FAM193A: variants seen among roughly 807,000 people sequenced by gnomAD.
The protein encoded by FAM193A is family with sequence similarity 193 member A.
A neutral mutation model predicts 126.5 loss-of-function variants in FAM193A; 22 were observed. The observed-to-expected ratio is 0.17, with a 90% CI of 0.12 to 0.25. The LOEUF (loss-of-function observed/expected upper bound fraction) is 0.25. FAM193A is among the 10% of genes least tolerant of loss of function. FAM193A has a pLI of 1.00. For synonymous variants in FAM193A, 761 were observed against 646.8 expected (o/e 1.18, Z -2.68); for missense variants, 1,675 against 1,672.8 (o/e 1.00, Z -0.02).
rs543454454 is a variant in FAM193A, at chr4:2,715,646, C to T, written c.4373-377C>T. Among the ~76,000 whole-genome samples, 14 of 152,312 alleles carry T rather than the reference C, an allele frequency of 9.2e-5. No individual in the cohort carries two copies. In the South Asian group the frequency reaches 1.5e-3, roughly 16 times the overall value. The stretch of plus-strand genomic sequence containing the variant: ...GCAGCTGTGCTCTGCCTGACTCCAA[C>T]GGAGACTTAGGGCAGTCCCTGGGCT... On this transcript the variant is annotated intron_variant, in intron 19 of 20. Coordinates refer to ENST00000637812, the MANE Select transcript of FAM193A (RefSeq NM_001366318.2).
chr4:2,605,514 T>G (rs1250173079), intron 2 of FAM193A, among the ~76,000 whole-genome samples: 1 of 152,242 alleles, frequency 6.6e-6, no homozygotes, highest in Non-Finnish European at 1.5e-5. Flanking sequence ...ATGTTGCATT[T>G]TAGTTGTTTC....
intron 2 of FAM193A, among the ~76,000 whole-genome samples, chr4:2,602,960 T>A (rs1450869506): frequency 1.7e-4 from 1 of 5,780 alleles, no homozygotes; most frequent in African/African-American, 3.6e-4. Flanking sequence ...GCACCCGGCC[T>A]TTTTTTTTTT....
At chr4:2,691,112 T>G in intron 15 of FAM193A, 142 bp downstream of exon 15, 1 of 704,926 alleles carries the variant, frequency 1.4e-6, no homozygotes, top group South Asian at 1.9e-5. Flanking sequence ...CCAAAAATGC[T>G]CACACACAGA....
intron 2 of FAM193A, among the ~76,000 whole-genome samples, chr4:2,620,579 G>A (rs1156521381): frequency 6.6e-6 from 1 of 151,968 alleles, no homozygotes; most frequent in Non-Finnish European, 1.5e-5. Flanking sequence ...CAGGGTGTGT[G>A]GCTCATGCCT....
chr4:2,613,459 CTT>C (rs1330182508), intron 2 of FAM193A, among the ~76,000 whole-genome samples: 10 of 101,612 alleles, frequency 9.8e-5, no homozygotes, highest in Non-Finnish European at 1.5e-4. Flanking sequence ...TGGTAGGTTT[CTT>C]TTTTTTTTTT....
intron 1 of FAM193A, among the ~76,000 whole-genome samples, chr4:2,558,176 G>A (rs569291127): frequency 1.3e-5 from 2 of 151,960 alleles, no homozygotes; most frequent in South Asian, 4.2e-4. Context: ...GAAGGCTGAA[G>A]CAGGAGAATC....
chr4:2,602,959 CTTTTTTTTTTTTTTTTT>C (rs71178487), intron 2 of FAM193A, among the ~76,000 whole-genome samples: 2 of 42,292 alleles, frequency 4.7e-5, no homozygotes, highest in Non-Finnish European at 7.7e-5. Flanking sequence ...TGCACCCGGC[CTTTTTTTTTTTTTTTTT>C]TTTTTTTTTT....
intron 1 of FAM193A, among the ~76,000 whole-genome samples, chr4:2,580,046 A>T (rs908205070): frequency 2.0e-5 from 3 of 152,236 alleles, no homozygotes; most frequent in Admixed American, 6.5e-5. Context: ...CATCAATGAT[A>T]GATAGATTGC....
At chr4:2,707,696 T>A (rs372598222) in intron 19 of FAM193A, among the ~76,000 whole-genome samples, 18 of 151,604 alleles carry the variant, frequency 1.2e-4, no homozygotes, top group African/African-American at 3.6e-4. Flanking sequence ...AGACTCAGAT[T>A]TCAGATTATA....
In FAM193A at chr4:2,700,494, A is replaced by G. The variant is rs1717596220; in HGVS notation, c.4322A>G (p.Lys1441Arg). 8 of 1,613,190 alleles carry G rather than the reference A, an allele frequency of 5.0e-6. No individual in the cohort carries two copies. The highest frequency in any genetic ancestry group is 5.9e-6 in the Non-Finnish European group (7 of 1,179,804). The change falls in exon 19 of 21, where the codon AAG becomes AGG. Residue 1441 changes from lysine to arginine, a missense_variant. This residue lies in a region of FAM193A where 415 missense variants were observed against 396.7 expected (regional missense o/e 1.05). Transcript: ENST00000637812. ...GCAGAGTCCCCTCAGCCAAAGGGCAAGAACAAGAAAAATAAGAAGAAGAAA... is the reference window on the plus strand; with the variant it reads ...GCAGAGTCCCCTCAGCCAAAGGGCAGGAACAAGAAAAATAAGAAGAAGAAA... ...VLAESPQPKG[K>R]NKKNKKKKGD...
At chr4:2,599,720 C>A (rs989465832) in intron 2 of FAM193A, among the ~76,000 whole-genome samples, 2 of 150,842 alleles carry the variant, frequency 1.3e-5, no homozygotes, top group African/African-American at 4.9e-5. Flanking sequence ...AGCTCACTTG[C>A]TTGTCTTCTC....
At position 2,699,967 on chromosome 4, in the gene FAM193A, G is replaced by C; in HGVS notation, c.3795G>C (p.Glu1265Asp). 6.2e-6 allele frequency: 10 copies of C among 1,613,984 alleles called. No homozygotes were observed. The highest frequency in any genetic ancestry group is 8.5e-6 in the Non-Finnish European group (10 of 1,180,008). The change falls in exon 19 of 21, where the codon GAG becomes GAC. Residue 1265 changes from glutamate (E) to aspartate (D), a missense_variant. This residue lies in a region of FAM193A where 415 missense variants were observed against 396.7 expected (regional missense o/e 1.05). Coordinates refer to ENST00000637812, the MANE Select transcript of FAM193A (RefSeq NM_001366318.2). ...NSGNIHNGSL[E>D]QTEEPETSSH... The stretch of plus-strand genomic sequence containing the variant: ...GAAACATCCACAATGGCTCACTAGA[G>C]CAAACTGAAGAACCAGAAACCTCTT...
In FAM193A at chr4:2,732,102, CAGT is replaced by C; in HGVS notation, c.*238_*240del. 1.8e-6 allele frequency: 1 copy of C among 550,204 alleles called. No homozygotes were observed. The highest frequency in any genetic ancestry group is 3.3e-6 in the Non-Finnish European group (1 of 304,790). 34.1% of individuals were successfully genotyped at this position (550,204 alleles called of 1,614,324 possible). A position where few individuals can be genotyped will look rare whatever the true frequency, so the allele number is the denominator to read the frequency against. ...GTAGCTCTGTGCTGTCGGATTGGAA[CAGT>C]AGTTCCCGCCAAGTCCTCCCACCAC... On this transcript the variant is annotated 3_prime_UTR_variant, in exon 21 of 21. Transcript: ENST00000637812.
chr4:2,659,761 T>C, intron 9 of FAM193A, 51 bp from the exon 10 acceptor site: 2 of 1,613,866 alleles, frequency 1.2e-6, no homozygotes, highest in Non-Finnish European at 1.7e-6. Flanking sequence ...GAGAGCATGG[T>C]CTAGTCTTGT....
chr4:2,539,632 C>A (rs772373308), intron 1 of FAM193A, among the ~76,000 whole-genome samples: 4 of 151,984 alleles, frequency 2.6e-5, no homozygotes, highest in Non-Finnish European at 5.9e-5. Flanking sequence ...GTCTTGAACT[C>A]TTGACCTCAA....
chr4:2,667,782 A>AT (rs904078045), intron 12 of FAM193A, among the ~76,000 whole-genome samples: 8 of 152,228 alleles, frequency 5.3e-5, no homozygotes, highest in African/African-American at 1.7e-4. Flanking sequence ...TTAGTGTACT[A>AT]TTTTAATTCT....
chr4:2,563,826 A>G (rs1378813348), intron 1 of FAM193A, among the ~76,000 whole-genome samples: 1 of 152,228 alleles, frequency 6.6e-6, no homozygotes, highest in Admixed American at 6.6e-5. Flanking sequence ...GAAGGAAAGT[A>G]TATAGAGCCT....
At chr4:2,562,711 C>T (rs1368576125) in intron 1 of FAM193A, among the ~76,000 whole-genome samples, 1 of 151,420 alleles carries the variant, frequency 6.6e-6, no homozygotes, top group Non-Finnish European at 1.5e-5. Flanking sequence ...CTCACCGCAA[C>T]CTCCGCCTCC....
intron 1 of FAM193A, among the ~76,000 whole-genome samples, chr4:2,584,992 C>G (rs866919953): frequency 1.3e-5 from 2 of 151,690 alleles, no homozygotes; most frequent in Non-Finnish European, 2.9e-5. Context: ...GTTTTTGTAC[C>G]TTATATAAAT....
Sources: gnomAD v4.1 joint callset for allele counts (sites outside exome capture counted in the v4.1 genomes callset) on GRCh38, gnomAD v4.1.1 for gene constraint, gnomAD v4.1.1 regional missense constraint, MANE v1.5 for transcripts, NCBI Gene and HGNC (gene_info 2026-07-23, HGNC 2026-07-21) for gene names.